Variants in TRMT44 observed in about 807,000 individuals in gnomAD.
The protein encoded by TRMT44 is tRNA methyltransferase 44 homolog.
Under a neutral mutation model 77.3 loss-of-function variants are expected in TRMT44, and 78 were observed. That is an observed-to-expected ratio of 1.01 (90% CI 0.84 to 1.22). The LOEUF is 1.22. Among genes scored for constraint, TRMT44 ranks in the 50% most tolerant of loss-of-function variants. TRMT44 has a pLI of 0.00. For missense variants in TRMT44, 1,090 were observed against 964.4 expected, an observed-to-expected ratio of 1.13 and a Z score of -1.73; for synonymous variants, 391 against 383.3, an observed-to-expected ratio of 1.02 and a Z score of -0.23.
downstream of TRMT44, among the ~76,000 whole-genome samples, chr4:8,497,068 A>G (rs1728169245): frequency 6.6e-6 from 1 of 152,046 alleles, no homozygotes; most frequent in African/African-American, 2.4e-5. Flanking sequence ...TTAGCAGCTC[A>G]CTTCAAGGAG....
the TRMT44 span, among the ~76,000 whole-genome samples, chr4:8,501,788 G>A: frequency 2.0e-5 from 3 of 152,166 alleles, no homozygotes; most frequent in African/African-American, 7.2e-5. The surrounding 1 kb of genome is among the most constrained non-coding windows in gnomAD (Gnocchi z 4.4). Flanking sequence ...GGGCTCTGCT[G>A]CCATCGGCTG....
intron 1 of TRMT44, among the ~76,000 whole-genome samples, chr4:8,442,035 A>C (rs1186999838): frequency 6.6e-6 from 1 of 152,234 alleles, no homozygotes; most frequent in Non-Finnish European, 1.5e-5. Flanking sequence ...CTTGTCGGAG[A>C]ATAACCAGTG....
chr4:8,472,008 C>A (rs2688222), intron 10 of TRMT44, among the ~76,000 whole-genome samples: 108,948 of 149,788 alleles, frequency 0.73, 40,077 homozygotes, highest in South Asian at 0.84. Flanking sequence ...TGCTTTGTGG[C>A]GCTTTTTTTT....
At chr4:8,506,670 T>C in the TRMT44 span, among the ~76,000 whole-genome samples, 1 of 152,250 alleles carries the variant, frequency 6.6e-6, no homozygotes, top group African/African-American at 2.4e-5. Flanking sequence ...TGCACTTCTC[T>C]GTGGAATTCT....
chr4:8,499,323 C>T, the TRMT44 span, among the ~76,000 whole-genome samples: 1 of 152,112 alleles, frequency 6.6e-6, no homozygotes, highest in Non-Finnish European at 1.5e-5. Context: ...GTGACCCCAG[C>T]CCCTGAGCTG....
At chr4:8,484,430 G>A (rs1346512322) in intron 2 of TRMT44, among the ~76,000 whole-genome samples, 1 of 152,204 alleles carries the variant, frequency 6.6e-6, no homozygotes, top group Non-Finnish European at 1.5e-5. Flanking sequence ...GCTGTAGAGA[G>A]TGAGTTGAGC....
chr4:8,468,426 T>C, intron 9 of TRMT44, 80 bp downstream of exon 9: 2 of 1,399,020 alleles, frequency 1.4e-6, no homozygotes, highest in Non-Finnish European at 2.0e-6. Flanking sequence ...AGAACCGACA[T>C]GAAATGGTGT....
rs540257754 is a variant in TRMT44 at position 8,476,243 on chromosome 4, C to T, written c.*242C>T. On this transcript the variant is annotated 3_prime_UTR_variant, in exon 11 of 11. Transcript: ENST00000389737. ...TTCAGATGCAGCCGCTTGAAACGTGCGCAGCATCTTCATATCATAAAGATT... is the reference window on the plus strand; with the variant it reads ...TTCAGATGCAGCCGCTTGAAACGTGTGCAGCATCTTCATATCATAAAGATT... 740 of 570,602 alleles carry T rather than the reference C, an allele frequency of 1.3e-3. 4 individuals are homozygous for T. Among genetic ancestry groups the T allele is most frequent in the Non-Finnish European group, 1.6e-3 (507 of 319,222 alleles). The allele number at this position is 570,602 out of a possible 1,614,324, so 35.3% of individuals were successfully genotyped here.
At position 8,452,001 on chromosome 4, in the gene TRMT44, A is replaced by C. The variant is rs1252681668; in HGVS notation, c.996A>C (p.Glu332Asp). The C allele has an allele frequency of 1.3e-6, 2 of 1,536,590 alleles. No homozygotes were observed. Among genetic ancestry groups the C allele is most frequent in the Non-Finnish European group, 1.7e-6 (2 of 1,147,024 alleles). The change falls in exon 4 of 11, where the codon GAA (glutamate) becomes GAC (aspartate). Residue 332 changes from glutamate (E) to aspartate (D), a missense_variant. By Grantham distance (45) the Glu-to-Asp change is conservative. Coordinates refer to ENST00000389737, the MANE Select transcript of TRMT44 (RefSeq NM_152544.3). The surrounding 1 kb of genome is among the most constrained non-coding windows in gnomAD (Gnocchi z 5.7). ...EVTDPEKFVY[E>D]DVAIAAYLLI... is the part of the protein sequence containing the mutation. ...CTGATCCTGAGAAGTTCGTGTATGA[A>C]GATGTGGCTATCGCAGCATACCTGC...
At chr4:8,491,347 C>T (rs954196270) in intron 2 of TRMT44, among the ~76,000 whole-genome samples, 9 of 152,234 alleles carry the variant, frequency 5.9e-5, no homozygotes, top group Non-Finnish European at 8.8e-5. Flanking sequence ...GGTGGCTTCA[C>T]CTAGTGGATC....
intron 10 of TRMT44, among the ~76,000 whole-genome samples, chr4:8,472,583 C>T (rs1369265581): frequency 2.0e-5 from 3 of 152,246 alleles, no homozygotes; most frequent in Admixed American, 6.5e-5. Context: ...TGTGCACACA[C>T]ACACACTGCC....
intron 6 of TRMT44, among the ~76,000 whole-genome samples, chr4:8,456,829 T>C (rs1453285362): frequency 6.6e-6 from 1 of 152,144 alleles, no homozygotes; most frequent in African/African-American, 2.4e-5. Flanking sequence ...AATATCTAGA[T>C]AACAGGAGGA....
chr4:8,496,377 G>T (rs568568568), downstream of TRMT44, among the ~76,000 whole-genome samples: 16 of 152,260 alleles, frequency 1.1e-4, no homozygotes, highest in South Asian at 2.9e-3. Flanking sequence ...TCTTATCCCG[G>T]CCTGCAGCAG....
downstream of TRMT44, among the ~76,000 whole-genome samples, chr4:8,496,794 CTTTTTT>C (rs923033983): frequency 2.8e-5 from 4 of 140,546 alleles, no homozygotes; most frequent in African/African-American, 1.0e-4. Flanking sequence ...TTTTCTTTTT[CTTTTTT>C]TTTTAAAGCA....
intron 2 of TRMT44, among the ~76,000 whole-genome samples, chr4:8,492,950 C>T (rs948369713): frequency 1.3e-5 from 2 of 152,186 alleles, no homozygotes; most frequent in Non-Finnish European, 2.9e-5. Flanking sequence ...GGGCACATGT[C>T]GTCAGGACTT....
chr4:8,464,092 G>A lies in TRMT44; in HGVS notation c.1310+1G>A. The A allele has an allele frequency of 6.2e-7, 1 of 1,612,882 alleles. No individual in the cohort carries two copies. The highest frequency in any genetic ancestry group is 1.7e-4 in the Middle Eastern group (1 of 6,060). The stretch of plus-strand genomic sequence containing the variant: ...CATGGATACCTGTCATTGCAGCCAG[G>A]TGAGAAGTAGAGGAGTTATCAGGTG... On this transcript the variant is annotated splice_donor_variant, in intron 7 of 10. Coordinates refer to ENST00000389737, the MANE Select transcript of TRMT44 (RefSeq NM_152544.3). LOFTEE classifies it high-confidence loss of function.
chr4:8,465,582 G>A lies in TRMT44; in HGVS notation c.1494+21G>A, dbSNP rs780912059. ...AAAGAGTATGTCTGATTCTCATGTT[G>A]TTCTAGGCGGTGTGTCGGTGTTCAG... On this transcript the variant is annotated intron_variant, in intron 8 of 10. Transcript: ENST00000389737. 6.3e-6 allele frequency: 10 copies of A among 1,596,168 alleles called. No homozygotes were observed. The Admixed American group carries it at 1.7e-4, about 27-fold the overall frequency.
downstream of TRMT44, among the ~76,000 whole-genome samples, chr4:8,497,082 T>C (rs1560255346): frequency 1.3e-5 from 2 of 151,172 alleles, no homozygotes; most frequent in South Asian, 4.2e-4. Flanking sequence ...CAAGGAGTTA[T>C]AAGATAATGC....
chr4:8,502,936 G>T, the TRMT44 span, among the ~76,000 whole-genome samples: 1 of 152,174 alleles, frequency 6.6e-6, no homozygotes, highest in African/African-American at 2.4e-5. Flanking sequence ...CTTCACCCTT[G>T]AACACACAAC....
Sources: allele counts gnomAD v4.1 joint callset (sites outside exome capture counted in the v4.1 genomes callset), GRCh38; gene constraint gnomAD v4.1.1; non-coding constraint Gnocchi (gnomAD v3.1); transcripts MANE v1.5; gene names NCBI Gene and HGNC (gene_info 2026-07-23, HGNC 2026-07-21).